Variants in CNBD1 observed in about 807,000 individuals in gnomAD.
CNBD1 encodes the protein cyclic nucleotide binding domain containing 1.
A neutral mutation model predicts 54.4 loss-of-function variants in CNBD1; 71 were observed. That is an observed-to-expected ratio of 1.30 (90% CI 1.08 to 1.59). The LOEUF is 1.59. CNBD1 is among the 40% of genes most tolerant of loss of function. The pLI, the probability that CNBD1 is intolerant of heterozygous loss-of-function variation, is 0.00. For missense variants in CNBD1, 659 were observed against 518.0 expected (o/e 1.27, Z -2.64); for synonymous variants, 182 against 170.7 (o/e 1.07, Z -0.51).
downstream of CNBD1, among the ~76,000 whole-genome samples, chr8:87,383,282 T>G (rs1208555764): frequency 6.6e-6 from 1 of 152,012 alleles, no homozygotes; most frequent in Non-Finnish European, 1.5e-5. Context: ...TATTGTAGTA[T>G]AGTTTCAGTT....
chr8:87,379,167 C>T (rs1811019210), intron 10 of CNBD1, among the ~76,000 whole-genome samples: 2 of 151,732 alleles, frequency 1.3e-5, no homozygotes, highest in African/African-American at 2.4e-5. Context: ...GCCTAATTGC[C>T]CTGGCCAGAA....
At chr8:87,367,281 G>A (rs1463316270) in intron 10 of CNBD1, among the ~76,000 whole-genome samples, 1 of 152,054 alleles carries the variant, frequency 6.6e-6, no homozygotes, top group Non-Finnish European at 1.5e-5. Flanking sequence ...GTCTCAAGGT[G>A]TAGTCAGACA....
intron 4 of CNBD1, among the ~76,000 whole-genome samples, chr8:86,964,543 C>G (rs1808020748): frequency 6.6e-6 from 1 of 152,210 alleles, no homozygotes; most frequent in African/African-American, 2.4e-5. Flanking sequence ...CCAATATATG[C>G]CTGTCAGGGC....
intron 3 of CNBD1, among the ~76,000 whole-genome samples, chr8:86,906,944 C>A (rs1321072943): frequency 6.6e-6 from 1 of 152,130 alleles, no homozygotes; most frequent in Non-Finnish European, 1.5e-5. Context: ...ATACACTATA[C>A]TAATTAAGAT....
chr8:86,959,506 C>T (rs1807873126), intron 4 of CNBD1, among the ~76,000 whole-genome samples: 1 of 152,176 alleles, frequency 6.6e-6, no homozygotes, highest in South Asian at 2.1e-4. Context: ...TAGATTTGGT[C>T]TTTTCACATA....
intron 4 of CNBD1, among the ~76,000 whole-genome samples, chr8:86,947,423 A>G (rs1208102825): frequency 6.6e-6 from 1 of 152,064 alleles, no homozygotes; most frequent in Non-Finnish European, 1.5e-5. Context: ...AATTGGGCTC[A>G]TTGTACAGCA....
chr8:87,323,190 C>T (rs1363207710), intron 8 of CNBD1, among the ~76,000 whole-genome samples: 1 of 121,424 alleles, frequency 8.2e-6, no homozygotes. Flanking sequence ...CAGTACCATG[C>T]TGTTTTGGTT....
intron 4 of CNBD1, among the ~76,000 whole-genome samples, chr8:87,082,501 T>A (rs1400150236): frequency 6.6e-6 from 1 of 152,226 alleles, no homozygotes; most frequent in Non-Finnish European, 1.5e-5. Flanking sequence ...ATATTCCTTG[T>A]TTTGTTGTCT....
chr8:87,237,507 CAA>C (rs78363960), intron 6 of CNBD1, among the ~76,000 whole-genome samples: 8,239 of 152,122 alleles, frequency 0.054, 239 homozygotes, highest in Non-Finnish European at 0.066. Flanking sequence ...ATGTTTGTCT[CAA>C]GAGCAATGCT....
intron 3 of CNBD1, 33 bp downstream of exon 3, chr8:86,905,227 T>C: frequency 1.7e-6 from 2 of 1,205,588 alleles, no homozygotes; most frequent in Non-Finnish European, 2.4e-6. Context: ...GCAAGGTTGA[T>C]GGGTGTGTAT....
intron 10 of CNBD1, among the ~76,000 whole-genome samples, chr8:87,366,244 G>A (rs941179602): frequency 6.6e-6 from 1 of 152,016 alleles, no homozygotes; most frequent in Non-Finnish European, 1.5e-5. Flanking sequence ...TCTAAGTGTT[G>A]GCCAAGCTGT....
At chr8:87,385,705 A>G (rs145999673), downstream of CNBD1, among the ~76,000 whole-genome samples, 259 of 152,300 alleles carry the variant, frequency 1.7e-3, 1 homozygote, top group African/African-American at 5.8e-3. Flanking sequence ...GGCATAGCCA[A>G]TCAAAAGGCA....
chr8:87,284,894 C>T, intron 7 of CNBD1, 79 bp downstream of exon 7: 1 of 977,736 alleles, frequency 1.0e-6, no homozygotes. Context: ...TAGACAAAGA[C>T]AGCTATATCT....
intron 6 of CNBD1, among the ~76,000 whole-genome samples, chr8:87,251,000 G>C (rs1331613812): frequency 6.8e-6 from 1 of 146,978 alleles, no homozygotes; most frequent in Admixed American, 6.9e-5. Flanking sequence ...CTAACACAAA[G>C]AAACAATAAA....
intron 8 of CNBD1, among the ~76,000 whole-genome samples, chr8:87,301,133 C>T (rs1222971408): frequency 2.6e-5 from 4 of 152,012 alleles, no homozygotes; most frequent in African/African-American, 9.7e-5. Context: ...AAATACAACC[C>T]TCCTAGCTTA....
intron 6 of CNBD1, among the ~76,000 whole-genome samples, chr8:87,242,632 T>C (rs141597344): frequency 1.3e-5 from 2 of 152,146 alleles, no homozygotes; most frequent in Admixed American, 6.6e-5. Context: ...ACATCTTACA[T>C]GTAATGATTG....
chr8:87,345,392 C>G (rs1810151174), intron 8 of CNBD1, among the ~76,000 whole-genome samples: 1 of 152,122 alleles, frequency 6.6e-6, no homozygotes, highest in Non-Finnish European at 1.5e-5. Flanking sequence ...TTTGGTACTG[C>G]TATCTAAATT....
intron 4 of CNBD1, among the ~76,000 whole-genome samples, chr8:87,072,575 TG>T (rs1247344188): frequency 7.6e-6 from 1 of 131,940 alleles, no homozygotes; most frequent in African/African-American, 2.5e-5. Flanking sequence ...AAGCTTAGTT[TG>T]GCCAGATATG....
At chr8:87,117,395 T>C in intron 4 of CNBD1, among the ~76,000 whole-genome samples, 1 of 98,412 alleles carries the variant, frequency 1.0e-5, no homozygotes. Context: ...CAAGATTCCG[T>C]CTCAAAAAAA....
Sources: gnomAD v4.1 joint callset for allele counts (sites outside exome capture counted in the v4.1 genomes callset) on GRCh38, gnomAD v4.1.1 for gene constraint, MANE v1.5 for transcripts, NCBI Gene and HGNC (gene_info 2026-07-23, HGNC 2026-07-21) for gene names.